Variants in ADAMTS18 observed in about 807,000 individuals in gnomAD.
ADAMTS18 encodes the protein A disintegrin and metalloproteinase with thrombospondin motifs 18.
Under a neutral mutation model 165.9 loss-of-function variants are expected in ADAMTS18, and 157 were observed. The observed-to-expected ratio is 0.95, with a 90% CI of 0.83 to 1.08. The LOEUF (loss-of-function observed/expected upper bound fraction) is 1.08, where lower values mean the gene tolerates loss of function less well. Ranked by LOEUF, ADAMTS18 falls within the 50% of genes least tolerant of loss-of-function variation. The pLI is 0.00. For synonymous variants in ADAMTS18, 782 were observed against 578.2 expected (o/e 1.35, Z -5.06); for missense variants, 2,040 against 1,534.0 (o/e 1.33, Z -5.51).
intron 2 of ADAMTS18, chr16:77,433,294 G>A (rs1193377307): frequency 6.6e-6 from 1 of 152,200 alleles, no homozygotes; most frequent in African/African-American, 2.4e-5. Flanking sequence ...AGGCTCTGTA[G>A]GAACGTTATC....
chr16:77,390,805 G>A (rs924309082), intron 3 of ADAMTS18, among the ~76,000 whole-genome samples: 8 of 152,064 alleles, frequency 5.3e-5, no homozygotes, highest in African/African-American at 1.9e-4. Flanking sequence ...ACCCATATGT[G>A]GTTATTTAAA....
At chr16:77,360,271 A>T (rs535505577) in intron 7 of ADAMTS18, among the ~76,000 whole-genome samples, 11 of 152,338 alleles carry the variant, frequency 7.2e-5, no homozygotes, top group African/African-American at 2.4e-4. Flanking sequence ...ATGGTTGCAA[A>T]TTCACACACT....
At chr16:77,387,086 T>C (rs1484977124) in intron 3 of ADAMTS18, among the ~76,000 whole-genome samples, 1 of 152,160 alleles carries the variant, frequency 6.6e-6, no homozygotes, top group Non-Finnish European at 1.5e-5. Context: ...CAGAGGGACA[T>C]AGATAAGATG....
rs532880000 is a variant in ADAMTS18, at chr16:77,332,593, GTCTT to G, written c.1859+3159_1859+3162del. On this transcript the variant is annotated intron_variant, in intron 12 of 22. Transcript: ENST00000282849. ...AGAAGTGGCAGACACAGGGTTTAGAGTCTTTCTATCTATCGCCAAAATCTGGGCT... is the reference window on the plus strand; with the variant it reads ...AGAAGTGGCAGACACAGGGTTTAGAGTCTATCTATCGCCAAAATCTGGGCT... 1.2e-3 allele frequency among the ~76,000 whole-genome samples: 181 copies of G among 152,308 alleles called. 1 individual carries two copies. The highest frequency in any genetic ancestry group is 2.2e-3 in the Non-Finnish European group (150 of 68,026).
chr16:77,294,947 T>C lies in ADAMTS18; in HGVS notation c.2982A>G (p.Gln994=), dbSNP rs1370590016. ...QACNSHACPP[Q]WSLGPWSQCS... is the part of the protein sequence containing the mutation. ...CCTGAGACCAGGGTCCAAGGCTCCA[T>C]TGTGGAGGGCAGGCATGGCTGTTGC... The change falls in exon 19 of 23, where the codon CAA becomes CAG. Residue 994 remains glutamine (Q), a synonymous_variant. Coordinates refer to ENST00000282849, the MANE Select transcript of ADAMTS18 (RefSeq NM_199355.4). 2.0e-5 allele frequency: 32 copies of C among 1,613,990 alleles called. No individual in the cohort carries two copies. Among genetic ancestry groups the C allele is most frequent in the Non-Finnish European group, 2.6e-5 (31 of 1,180,016 alleles).
chr16:77,362,183 C>T lies in ADAMTS18; in HGVS notation c.1138G>A (p.Gly380Ser), dbSNP rs1423668381. 1 of 1,613,958 alleles carries T rather than the reference C, an allele frequency of 6.2e-7. No individual in the cohort carries two copies. The highest frequency in any genetic ancestry group is 8.5e-7 in the Non-Finnish European group (1 of 1,180,010). The change falls in exon 7 of 23, where the codon GGC (glycine) becomes AGC (serine). Residue 380 changes from glycine (G) to serine (S), a missense_variant. Coordinates refer to ENST00000282849, the MANE Select transcript of ADAMTS18 (RefSeq NM_199355.4). ...AAGATGGCATGATCATGTCTCTTGCCATTCTTTCCAATGAGGGCAGACTGC... is the reference window on the plus strand; with the variant it reads ...AAGATGGCATGATCATGTCTCTTGCTATTCTTTCCAATGAGGGCAGACTGC... ...QWQSALIGKN[G>S]KRHDHAILLT... is the part of the protein sequence containing the mutation.
intron 3 of ADAMTS18, among the ~76,000 whole-genome samples, chr16:77,381,813 TAATA>T (rs2057035257): frequency 6.6e-6 from 1 of 151,850 alleles, no homozygotes; most frequent in Non-Finnish European, 1.5e-5. Flanking sequence ...AAAAAATAAA[TAATA>T]AATAAACAAA....
At chr16:77,369,204 C>T (rs2056842168) in intron 3 of ADAMTS18, among the ~76,000 whole-genome samples, 1 of 152,288 alleles carries the variant, frequency 6.6e-6, no homozygotes, top group Admixed American at 6.5e-5. Flanking sequence ...AGTTATGTCA[C>T]ATTTTTCATT....
chr16:77,355,054 C>T (rs917431402), intron 9 of ADAMTS18, among the ~76,000 whole-genome samples: 2 of 152,116 alleles, frequency 1.3e-5, no homozygotes, highest in Non-Finnish European at 2.9e-5. Context: ...ATTCTTTAAA[C>T]ATTTGCAAAT....
intron 3 of ADAMTS18, among the ~76,000 whole-genome samples, chr16:77,376,149 C>A (rs1024375233): frequency 4.6e-5 from 7 of 151,996 alleles, no homozygotes; most frequent in African/African-American, 1.2e-4. Flanking sequence ...GTGATCCACC[C>A]GCCTCAGACT....
At chr16:77,348,916 A>G (rs568031899) in intron 10 of ADAMTS18, among the ~76,000 whole-genome samples, 2 of 152,352 alleles carry the variant, frequency 1.3e-5, no homozygotes, top group East Asian at 3.9e-4. Flanking sequence ...GCCACACAGC[A>G]TACTAGAATA....
At chr16:77,303,419 C>T (rs555646650) in intron 16 of ADAMTS18, among the ~76,000 whole-genome samples, 21 of 152,338 alleles carry the variant, frequency 1.4e-4, no homozygotes, top group African/African-American at 4.8e-4. Context: ...AAAGGCTGCT[C>T]ATAGGGAATA....
intron 3 of ADAMTS18, among the ~76,000 whole-genome samples, chr16:77,403,513 G>A (rs2057356740): frequency 6.6e-6 from 1 of 152,276 alleles, no homozygotes; most frequent in African/African-American, 2.4e-5. Flanking sequence ...GAGAATGGGA[G>A]GAGAGAAGGT....
rs556182052 is a variant in ADAMTS18, at chr16:77,363,726, T to A, written c.1056+76A>T. The A allele has an allele frequency of 4.2e-5, 57 of 1,372,286 alleles. No homozygotes were observed. In the South Asian group the frequency reaches 5.9e-4, roughly 14 times the overall value. 85.0% of individuals were successfully genotyped at this position (1,372,286 alleles called of 1,614,324 possible). A position where few individuals can be genotyped will look rare whatever the true frequency, so the allele number is the denominator to read the frequency against. The stretch of plus-strand genomic sequence containing the variant: ...AGCTAACGACTAGTACATGGATTAG[T>A]GAACACAGTAGGTGTTCAAGAAATG... On this transcript the variant is annotated intron_variant, in intron 6 of 22. Coordinates refer to ENST00000282849, the MANE Select transcript of ADAMTS18 (RefSeq NM_199355.4).
At chr16:77,312,361 C>T (rs1047318812) in intron 16 of ADAMTS18, among the ~76,000 whole-genome samples, 1 of 152,068 alleles carries the variant, frequency 6.6e-6, no homozygotes, top group African/African-American at 2.4e-5. Context: ...CCTCAGCCTC[C>T]CCAGTACCTA....
chr16:77,304,834 G>A (rs1431073018), intron 16 of ADAMTS18, among the ~76,000 whole-genome samples: 1 of 152,164 alleles, frequency 6.6e-6, no homozygotes, highest in Non-Finnish European at 1.5e-5. Context: ...ACAGTTTTAT[G>A]GCCAGTAGCA....
At chr16:77,311,474 C>G (rs972742446) in intron 16 of ADAMTS18, among the ~76,000 whole-genome samples, 21 of 152,082 alleles carry the variant, frequency 1.4e-4, no homozygotes, top group Non-Finnish European at 7.4e-5. Flanking sequence ...ACTTGGATAT[C>G]AATATACAGT....
intron 12 of ADAMTS18, 36 bp downstream of exon 12, chr16:77,335,720 G>C: frequency 6.2e-7 from 1 of 1,613,886 alleles, no homozygotes; most frequent in Non-Finnish European, 8.5e-7. Flanking sequence ...TGAAGGTTAA[G>C]GCCTTGCAAA....
At chr16:77,416,718 T>C (rs1285750310) in intron 3 of ADAMTS18, among the ~76,000 whole-genome samples, 3 of 152,174 alleles carry the variant, frequency 2.0e-5, no homozygotes, top group South Asian at 2.1e-4. Context: ...CTGATACATA[T>C]ACTATGCTCA....
Sources: allele counts gnomAD v4.1 joint callset (sites outside exome capture counted in the v4.1 genomes callset), GRCh38; gene constraint gnomAD v4.1.1; transcripts MANE v1.5; gene names NCBI Gene and HGNC (gene_info 2026-07-23, HGNC 2026-07-21).